The following MGAT4C variants were observed in gnomAD, a reference collection of about 807,000 sequenced individuals.
The protein encoded by MGAT4C is MGAT4 family member C, also known as alpha-1,3-mannosyl-glycoprotein 4-beta-N-acetylglucosaminyltransferase C.
MGAT4C carries 19 observed loss-of-function variants against 40.1 expected under a neutral mutation model. That is an observed-to-expected ratio of 0.47 (90% CI 0.33 to 0.70). MGAT4C has a LOEUF of 0.70. Ranked by LOEUF, MGAT4C falls within the 30% of genes least tolerant of loss-of-function variation. The pLI is 0.02. For synonymous variants in MGAT4C, 181 were observed against 187.1 expected (o/e 0.97, Z 0.27); for missense variants, 491 against 563.2 (o/e 0.87, Z 1.30).
rs145690151 is a variant in MGAT4C, at chr12:86,193,783, T to G, written c.-57+62456A>C. Among the ~76,000 whole-genome samples the G allele has an allele frequency of 5.9e-3, 902 of 152,282 alleles. 5 individuals carry two copies. The highest frequency in any genetic ancestry group is 0.01 in the Middle Eastern group (3 of 294). ...GTGCCTTTTGTTTAAATCAAAATAT[T>G]CCCTATGTATTTGACTTTCAGTAAA... On this transcript the variant is annotated intron_variant, in intron 1 of 4. Transcript: ENST00000611864.
chr12:86,789,928 T>C (rs1264700674), intron 1 of MGAT4C, among the ~76,000 whole-genome samples: 1 of 152,144 alleles, frequency 6.6e-6, no homozygotes, highest in African/African-American at 2.4e-5. Flanking sequence ...AACCATCTGT[T>C]AAGTTGCAGA....
chr12:86,097,526 C>T (rs978491303), intron 1 of MGAT4C, among the ~76,000 whole-genome samples: 1 of 151,446 alleles, frequency 6.6e-6, no homozygotes, highest in Admixed American at 6.6e-5. Flanking sequence ...CATAAAAATA[C>T]TCCATTTGCA....
chr12:86,601,778 G>A (rs1003544485), intron 2 of MGAT4C, among the ~76,000 whole-genome samples: 11 of 152,128 alleles, frequency 7.2e-5, no homozygotes, highest in Non-Finnish European at 1.0e-4. Flanking sequence ...CAGAGGGACT[G>A]AAAGAGCTGT....
intron 3 of MGAT4C, among the ~76,000 whole-genome samples, chr12:86,365,509 C>T (rs1343972505): frequency 2.0e-5 from 3 of 152,166 alleles, no homozygotes; most frequent in Non-Finnish European, 2.9e-5. Context: ...TCCATGAAAT[C>T]TTCACATTTT....
At position 86,763,566 on chromosome 12, in the gene MGAT4C, A is replaced by G. The variant is rs116617852; in HGVS notation, c.-261-36325T>C. 7.9e-4 allele frequency among the ~76,000 whole-genome samples: 121 copies of G among 152,340 alleles called. 1 individual carries two copies. The highest frequency in any genetic ancestry group is 2.8e-3 in the African/African-American group (116 of 41,590). On this transcript the variant is annotated intron_variant, in intron 1 of 7. Transcript: ENST00000548651. ...CACCAATGTCCATATCTATGCTTTG[A>G]ATACTATACAAAAATAATTCATAAT...
At chr12:86,018,225 AAATG>A (rs1042741949) in intron 2 of MGAT4C, among the ~76,000 whole-genome samples, 12 of 152,162 alleles carry the variant, frequency 7.9e-5, no homozygotes. Flanking sequence ...CTACCCATCT[AAATG>A]AAAGTGGCAA....
At chr12:86,137,064 A>G (rs1459016821) in intron 1 of MGAT4C, among the ~76,000 whole-genome samples, 1 of 152,080 alleles carries the variant, frequency 6.6e-6, no homozygotes, top group Non-Finnish European at 1.5e-5. Context: ...TCCATTACAG[A>G]CTTCAGACTT....
intron 3 of MGAT4C, among the ~76,000 whole-genome samples, chr12:86,365,746 T>A (rs1955579119): frequency 6.6e-6 from 1 of 151,728 alleles, no homozygotes; most frequent in Non-Finnish European, 1.5e-5. Context: ...TTCTGGGTCC[T>A]CTATTCTGTT....
intron 3 of MGAT4C, among the ~76,000 whole-genome samples, chr12:86,339,002 A>G (rs1369161273): frequency 6.7e-6 from 1 of 150,200 alleles, no homozygotes; most frequent in Non-Finnish European, 1.5e-5. Context: ...AGAGAGAAAG[A>G]GCTAATATTT....
intron 1 of MGAT4C, among the ~76,000 whole-genome samples, chr12:86,117,409 G>A (rs746107029): frequency 6.6e-6 from 1 of 152,094 alleles, no homozygotes; most frequent in South Asian, 2.1e-4. Context: ...ATGCCATAAG[G>A]ACATCTGGAG....
chr12:86,241,730 T>TG (rs1951797501), intron 1 of MGAT4C, among the ~76,000 whole-genome samples: 1 of 152,170 alleles, frequency 6.6e-6, no homozygotes, highest in African/African-American at 2.4e-5. Context: ...CTGCTTTATG[T>TG]GGGAAAGCAC....
At chr12:86,533,352 G>A (rs932516119) in intron 2 of MGAT4C, among the ~76,000 whole-genome samples, 15 of 151,886 alleles carry the variant, frequency 9.9e-5, no homozygotes, top group Non-Finnish European at 2.1e-4. Context: ...GCTCTTGGTA[G>A]CTTAAAATAT....
intron 3 of MGAT4C, among the ~76,000 whole-genome samples, chr12:86,355,574 T>C (rs918448107): frequency 2.0e-5 from 3 of 152,016 alleles, no homozygotes; most frequent in African/African-American, 7.2e-5. Context: ...AAAAGTAACA[T>C]ATTGCATAAG....
At chr12:86,146,216 A>G (rs1043942134) in intron 1 of MGAT4C, among the ~76,000 whole-genome samples, 5 of 152,138 alleles carry the variant, frequency 3.3e-5, no homozygotes, top group African/African-American at 1.2e-4. Context: ...GGTAAAATCC[A>G]CTTATTTTCT....
chr12:86,036,526 G>A lies in MGAT4C; in HGVS notation c.-7+13148C>T, dbSNP rs906534691. ...GCATGAAGGACTGTTGAGTTTTGATGAAGGCTTTTCCTCATCTATTGAGAT... is the reference window on the plus strand; with the variant it reads ...GCATGAAGGACTGTTGAGTTTTGATAAAGGCTTTTCCTCATCTATTGAGAT... On this transcript the variant is annotated intron_variant, in intron 2 of 4. Transcript: ENST00000611864. Among the ~76,000 whole-genome samples, 3 of 149,954 alleles carry A rather than the reference G, an allele frequency of 2.0e-5. 1 individual carries two copies. The highest frequency in any genetic ancestry group is 4.5e-5 in the Non-Finnish European group (3 of 66,872).
At chr12:86,105,551 G>A (rs971152196) in intron 1 of MGAT4C, among the ~76,000 whole-genome samples, 1 of 152,066 alleles carries the variant, frequency 6.6e-6, no homozygotes, top group South Asian at 2.1e-4. Context: ...TTCCTATAAA[G>A]GAGAGGGAAG....
chr12:85,965,488 T>G lies in MGAT4C; in HGVS notation c.*13801A>C, dbSNP rs1449335057. On this transcript the variant is annotated 3_prime_UTR_variant, in exon 5 of 5. Transcript: ENST00000611864. ...GGCGGGCGCCTGTACTCCCAGCTAC[T>G]CGGGAGGCTGAGGCAGGAGAATGGC... The G allele has an allele frequency of 2.0e-5, 3 of 150,132 alleles. No homozygotes were observed. In the East Asian group the frequency reaches 6.0e-4, roughly 30 times the overall value. The allele number at this position is 150,132 out of a possible 1,614,324, so 9.3% of individuals were successfully genotyped here.
intron 4 of MGAT4C, among the ~76,000 whole-genome samples, chr12:86,284,900 T>C (rs1047834045): frequency 3.7e-4 from 57 of 152,016 alleles, no homozygotes; most frequent in African/African-American, 1.4e-3. Context: ...AGTCAATTAT[T>C]TTTTCAGTAA....
chr12:86,622,408 C>T (rs1962666727), intron 2 of MGAT4C, among the ~76,000 whole-genome samples: 2 of 151,926 alleles, frequency 1.3e-5, no homozygotes, highest in Admixed American at 6.6e-5. Context: ...TACACTAGGT[C>T]ATAGAAAGTC....
Sources: allele counts gnomAD v4.1 joint callset (sites outside exome capture counted in the v4.1 genomes callset), GRCh38; gene constraint gnomAD v4.1.1; transcripts MANE v1.5; gene names NCBI Gene and HGNC (gene_info 2026-07-23, HGNC 2026-07-21).